The following COL22A1 variants were observed in gnomAD, a reference collection of about 807,000 sequenced individuals.
The protein encoded by COL22A1 is collagen alpha-1(XXII) chain.
A neutral mutation model predicts 248.9 loss-of-function variants in COL22A1; 221 were observed. The observed-to-expected ratio is 0.89, with a 90% CI of 0.80 to 0.99. The LOEUF (loss-of-function observed/expected upper bound fraction) is 0.99, where lower values mean the gene tolerates loss of function less well. Among genes scored for constraint, COL22A1 ranks in the 50% least tolerant of loss-of-function variants. The pLI, the probability that COL22A1 is intolerant of heterozygous loss-of-function variation, is 0.00. For synonymous variants in COL22A1, 891 were observed against 793.4 expected (o/e 1.12, Z -2.07); for missense variants, 2,240 against 2,179.0 (o/e 1.03, Z -0.56).
At position 138,648,443 on chromosome 8, in the gene COL22A1, C is replaced by T. The variant is rs560286656; in HGVS notation, c.3447+1222G>A. 5.3e-5 allele frequency among the ~76,000 whole-genome samples: 8 copies of T among 152,310 alleles called. No homozygotes were observed. The East Asian group carries it at 1.2e-3, about 22-fold the overall frequency. ...TAAAATACAAACCACAAATAAGAGG[C>T]TTAACTCTCTCTTTTTTGAAAAGAA... On this transcript the variant is annotated intron_variant, in intron 46 of 64. Transcript: ENST00000303045.
At chr8:138,649,854 C>A in intron 45 of COL22A1, 76 bp from the exon 46 acceptor site, 1 of 875,876 alleles carries the variant, frequency 1.1e-6, no homozygotes, top group Non-Finnish European at 1.7e-6. Flanking sequence ...CAAAGTAGCC[C>A]TGGCTGCTAT....
chr8:138,892,163 G>A lies in COL22A1; in HGVS notation c.-72-8919C>T, dbSNP rs553855392. Among the ~76,000 whole-genome samples, 439 of 152,314 alleles carry A rather than the reference G, an allele frequency of 2.9e-3. 4 individuals are homozygous for A. Among genetic ancestry groups the A allele is most frequent in the African/African-American group, 0.01 (428 of 41,564 alleles). On this transcript the variant is annotated intron_variant, in intron 1 of 64. Coordinates refer to ENST00000303045, the MANE Select transcript of COL22A1 (RefSeq NM_152888.3). ...CTGGTCTCATAGAATGAGTTAAGAA[G>A]TATTCCCTCTGCTTCTATCTTCTGG...
At chr8:138,868,408 G>A (rs79993124) in intron 3 of COL22A1, among the ~76,000 whole-genome samples, 5,535 of 152,196 alleles carry the variant, frequency 0.036, 341 homozygotes, top group African/African-American at 0.13. Flanking sequence ...GCATACAGGG[G>A]TATATAATAC....
chr8:138,816,282 G>C (rs1055338830), intron 7 of COL22A1, among the ~76,000 whole-genome samples: 1 of 152,108 alleles, frequency 6.6e-6, no homozygotes, highest in Admixed American at 6.5e-5. Flanking sequence ...GCCCCTTTCC[G>C]ATTGCCTGAA....
intron 22 of COL22A1, among the ~76,000 whole-genome samples, chr8:138,744,781 CCCTTCTCTTAGCTATACATCTATAAAG>C (rs369800281): frequency 6.3e-4 from 96 of 152,338 alleles, no homozygotes; most frequent in African/African-American, 2.2e-3. Flanking sequence ...TTTCCTTTCT[CCCTTCTCTTAGCTATACATCTATAAAG>C]AGAGATTCCA....
At chr8:138,879,464 G>A (rs35566437) in intron 2 of COL22A1, among the ~76,000 whole-genome samples, 14,381 of 152,058 alleles carry the variant, frequency 0.095, 788 homozygotes, top group Non-Finnish European at 0.11. Context: ...GGTCAAGGCG[G>A]GCAGATCACT....
At chr8:138,629,116 TCCAC>T (rs1820501151) in intron 50 of COL22A1, among the ~76,000 whole-genome samples, 5 of 151,682 alleles carry the variant, frequency 3.3e-5, no homozygotes, top group African/African-American at 9.7e-5. Context: ...TGGCCCTGGA[TCCAC>T]ATCTTATTCT....
In COL22A1 at chr8:138,596,963, G is replaced by T. The variant is rs768668435; in HGVS notation, c.4373C>A (p.Ser1458Tyr). Residue 1458 changes from serine to tyrosine, a missense_variant, in exon 62 of 65, where the codon TCT (serine) becomes TAT (tyrosine). Transcript: ENST00000303045. ...CCGACGCAGGGTTTCCATGGATGGA[G>T]ACTCCCCCTAGGAGGGAGGGAAGGT... ...QPGFPGLRGE[S>Y]PSMETLRRLI... The T allele has an allele frequency of 6.8e-6, 11 of 1,613,744 alleles. No homozygotes were observed. The highest frequency in any genetic ancestry group is 8.5e-7 in the Non-Finnish European group (1 of 1,179,768).
intron 2 of COL22A1, among the ~76,000 whole-genome samples, chr8:138,881,299 G>GGAA (rs541833308): frequency 2.2e-5 from 3 of 139,266 alleles, no homozygotes; most frequent in South Asian, 2.3e-4. Flanking sequence ...GAGAGGCTCA[G>GGAA]AAAAAAAAAA....
chr8:138,818,381 C>T (rs1230253571), intron 7 of COL22A1, among the ~76,000 whole-genome samples: 2 of 152,162 alleles, frequency 1.3e-5, no homozygotes, highest in Admixed American at 6.5e-5. Flanking sequence ...CCCACCTGGC[C>T]TGAATTTAGG....
At chr8:138,774,701 G>A (rs1203553634) in intron 16 of COL22A1, among the ~76,000 whole-genome samples, 1 of 152,192 alleles carries the variant, frequency 6.6e-6, no homozygotes, top group African/African-American at 2.4e-5. Flanking sequence ...TTACAGGCGT[G>A]AGCCACTGCG....
chr8:138,621,650 C>T (rs561596193), intron 52 of COL22A1, among the ~76,000 whole-genome samples: 79 of 152,280 alleles, frequency 5.2e-4, no homozygotes, highest in Admixed American at 1.1e-3. Context: ...CTTCATTTAC[C>T]AGCTTTATGC....
chr8:138,732,558 A>G (rs1020740310), intron 23 of COL22A1, among the ~76,000 whole-genome samples: 81 of 152,354 alleles, frequency 5.3e-4, no homozygotes, highest in African/African-American at 1.9e-3. Context: ...AACTCAGAGG[A>G]CTTCACAAAT....
chr8:138,786,100 G>A (rs1815492745), intron 12 of COL22A1, among the ~76,000 whole-genome samples: 1 of 152,140 alleles, frequency 6.6e-6, no homozygotes, highest in Non-Finnish European at 1.5e-5. Flanking sequence ...CTGAGTCTTG[G>A]TCTTCATTTG....
At chr8:138,844,667 A>T (rs1012221393) in intron 3 of COL22A1, among the ~76,000 whole-genome samples, 2 of 152,188 alleles carry the variant, frequency 1.3e-5, no homozygotes, top group African/African-American at 4.8e-5. Flanking sequence ...AAGCATGCAC[A>T]TGTCCGGGCG....
intron 18 of COL22A1, among the ~76,000 whole-genome samples, chr8:138,756,349 T>C (rs114951555): frequency 0.022 from 3,277 of 152,182 alleles, 127 homozygotes; most frequent in African/African-American, 0.072. Flanking sequence ...ATACACAAGG[T>C]TTGTCTCCTG....
intron 42 of COL22A1, among the ~76,000 whole-genome samples, chr8:138,663,281 G>C (rs1230015655): frequency 2.0e-5 from 3 of 152,220 alleles, no homozygotes; most frequent in African/African-American, 7.2e-5. Context: ...CAGTCCACCA[G>C]GTCTCCACAG....
chr8:138,792,665 T>C (rs908941152), intron 12 of COL22A1, among the ~76,000 whole-genome samples: 1 of 152,248 alleles, frequency 6.6e-6, no homozygotes, highest in East Asian at 1.9e-4. Flanking sequence ...TCAGTCTTTC[T>C]GAAGTTGCTT....
In COL22A1 at chr8:138,796,476, T is replaced by C. The variant is rs150860860; in HGVS notation, c.1596+343A>G. Among the ~76,000 whole-genome samples, 64 of 150,386 alleles carry C rather than the reference T, an allele frequency of 4.3e-4. No homozygotes were observed. The East Asian group carries it at 0.011, about 27-fold the overall frequency. On this transcript the variant is annotated intron_variant, in intron 12 of 64. Coordinates refer to ENST00000303045, the MANE Select transcript of COL22A1 (RefSeq NM_152888.3). ...GTGTATCTCTTTGTGTTTATCTTAA[T>C]TGGGACCTGCCCCCAGATTTCCACT... is the stretch of plus-strand genomic sequence containing the variant.
Sources: gnomAD v4.1 joint callset for allele counts (sites outside exome capture counted in the v4.1 genomes callset) on GRCh38, gnomAD v4.1.1 for gene constraint, MANE v1.5 for transcripts, NCBI Gene and HGNC (gene_info 2026-07-23, HGNC 2026-07-21) for gene names.